Variants in KSR2 observed in about 807,000 individuals in gnomAD.
The protein encoded by KSR2 is kinase suppressor of ras 2.
In KSR2, 25 loss-of-function variants were observed where a neutral mutation model predicts 107.8. That is an observed-to-expected ratio of 0.23 (90% confidence interval 0.17 to 0.32). KSR2 has a LOEUF of 0.32. KSR2 is among the 10% of genes least tolerant of loss of function. KSR2 has a pLI of 1.00. For synonymous variants in KSR2, 480 were observed against 507.0 expected (o/e 0.95, Z 0.71); for missense variants, 887 against 1,268.9 (o/e 0.70, Z 4.57).
intron 4 of KSR2, among the ~76,000 whole-genome samples, chr12:117,731,403 T>C (rs560810718): frequency 8.0e-4 from 107 of 134,324 alleles, no homozygotes; most frequent in African/African-American, 3.2e-3. Flanking sequence ...AGCCGCCCCG[T>C]CCGGGAGGGA....
At position 117,625,432 on chromosome 12, in the gene KSR2, AAGG is replaced by A. The variant is rs60466548; in HGVS notation, c.1171+42039_1171+42041del. Among the ~76,000 whole-genome samples the A allele has an allele frequency of 8.7e-4, 133 of 152,290 alleles. 2 individuals carry two copies. The East Asian group carries it at 0.019, about 22-fold the overall frequency. On this transcript the variant is annotated intron_variant, in intron 5 of 19. Transcript: ENST00000339824. ...CATGAAGGGCTGTTGAATTTTGTCA[AAGG>A]CCTTTTCTACATCTATTGAGATAAT...
At chr12:117,544,769 C>T (rs1234897849) in intron 9 of KSR2, among the ~76,000 whole-genome samples, 2 of 152,120 alleles carry the variant, frequency 1.3e-5, no homozygotes, top group Non-Finnish European at 2.9e-5. Flanking sequence ...TGGATGATGT[C>T]ATTTGCAAAT....
intron 5 of KSR2, among the ~76,000 whole-genome samples, chr12:117,622,860 TAAG>T (rs765474825): frequency 6.6e-6 from 1 of 152,188 alleles, no homozygotes; most frequent in Non-Finnish European, 1.5e-5. Flanking sequence ...GCAAGAAATA[TAAG>T]AAGAAAGCAT....
At chr12:117,710,037 G>A (rs1307348309) in intron 4 of KSR2, among the ~76,000 whole-genome samples, 1 of 152,234 alleles carries the variant, frequency 6.6e-6, no homozygotes, top group Non-Finnish European at 1.5e-5. Flanking sequence ...TCGAGGAGAT[G>A]GATCTGGACA....
At chr12:117,663,843 C>G (rs1214098476) in intron 5 of KSR2, among the ~76,000 whole-genome samples, 1 of 152,120 alleles carries the variant, frequency 6.6e-6, no homozygotes, top group Non-Finnish European at 1.5e-5. Context: ...TACAAGGAGC[C>G]CACGAGCTTG....
At chr12:117,677,916 C>G (rs1885204905) in intron 4 of KSR2, among the ~76,000 whole-genome samples, 1 of 151,812 alleles carries the variant, frequency 6.6e-6, no homozygotes, top group Non-Finnish European at 1.5e-5. Flanking sequence ...GATGAAGAAA[C>G]CGAGTCCAGA....
chr12:117,508,719 G>A (rs1873850801), intron 14 of KSR2, among the ~76,000 whole-genome samples: 1 of 152,016 alleles, frequency 6.6e-6, no homozygotes, highest in African/African-American at 2.4e-5. Context: ...ATGAATGGAT[G>A]AGAGGGTGGG....
chr12:117,858,937 G>T (rs567224376), intron 2 of KSR2, among the ~76,000 whole-genome samples: 13 of 152,130 alleles, frequency 8.5e-5, no homozygotes, highest in Non-Finnish European at 1.8e-4. Flanking sequence ...AGTGATGTCC[G>T]CTGGTTTTAT....
rs199584221 is a variant in KSR2, at chr12:117,623,756, T to G, written c.1172-41397A>C. 4.6e-5 allele frequency among the ~76,000 whole-genome samples: 7 copies of G among 152,206 alleles called. No homozygotes were observed. In the East Asian group the frequency reaches 1.3e-3, roughly 29 times the overall value. On this transcript the variant is annotated intron_variant, in intron 5 of 19. Transcript: ENST00000339824. ...TTGGGTATATACCCAGTAATGGGAT[T>G]GCTGGGTCAAATGGTAATTCTAGTT...
At chr12:117,662,172 T>C (rs1000846996) in intron 5 of KSR2, among the ~76,000 whole-genome samples, 2 of 152,148 alleles carry the variant, frequency 1.3e-5, no homozygotes, top group African/African-American at 4.8e-5. Flanking sequence ...GGATATCTAC[T>C]TTCCCCTTGG....
intron 3 of KSR2, among the ~76,000 whole-genome samples, chr12:117,838,630 A>G (rs1892341011): frequency 6.6e-6 from 1 of 152,092 alleles, no homozygotes. Context: ...GATCAATTAC[A>G]GCCCCCTATA....
chr12:117,888,589 G>A (rs954209858), intron 1 of KSR2, among the ~76,000 whole-genome samples: 2 of 152,246 alleles, frequency 1.3e-5, no homozygotes, highest in East Asian at 3.9e-4. Context: ...CTAGGAACAG[G>A]AAGAAACCAG....
intron 1 of KSR2, among the ~76,000 whole-genome samples, chr12:117,879,878 G>A (rs1055351605): frequency 2.6e-5 from 4 of 152,194 alleles, no homozygotes; most frequent in Non-Finnish European, 5.9e-5. Context: ...ATAGGTCTGG[G>A]CACAGTGCCT....
intron 5 of KSR2, among the ~76,000 whole-genome samples, chr12:117,607,786 C>T (rs768665307): frequency 3.2e-4 from 48 of 152,232 alleles, no homozygotes; most frequent in African/African-American, 9.6e-4. Context: ...GGGGGTTCTG[C>T]GGATCTGAGG....
At chr12:117,599,003 G>C (rs897094783) in intron 5 of KSR2, among the ~76,000 whole-genome samples, 2 of 151,994 alleles carry the variant, frequency 1.3e-5, no homozygotes, top group Admixed American at 6.6e-5. Context: ...ACAAGGGAAG[G>C]CGCCACCAGA....
chr12:117,642,081 A>G (rs767036803), intron 5 of KSR2, among the ~76,000 whole-genome samples: 3 of 151,852 alleles, frequency 2.0e-5, no homozygotes, highest in Non-Finnish European at 2.9e-5. Context: ...AACGACACTC[A>G]CTCGTGGAAG....
chr12:117,687,732 C>T (rs1885635410), intron 4 of KSR2, among the ~76,000 whole-genome samples: 1 of 152,150 alleles, frequency 6.6e-6, no homozygotes, highest in Admixed American at 6.5e-5. Flanking sequence ...GGTACACTGC[C>T]TTCCCCTAAC....
intron 10 of KSR2, among the ~76,000 whole-genome samples, chr12:117,532,101 T>G (rs982643735): frequency 2.0e-5 from 3 of 152,238 alleles, no homozygotes; most frequent in Non-Finnish European, 4.4e-5. Flanking sequence ...CCTTTGTGCT[T>G]TTTCTGTACT....
At chr12:117,619,407 T>C (rs1057433220) in intron 5 of KSR2, among the ~76,000 whole-genome samples, 3 of 152,018 alleles carry the variant, frequency 2.0e-5, no homozygotes, top group Middle Eastern at 3.4e-3. Flanking sequence ...TTCCCCTTCC[T>C]GTGTGCATGT....
Sources: allele counts gnomAD v4.1 joint callset (sites outside exome capture counted in the v4.1 genomes callset), GRCh38; gene constraint gnomAD v4.1.1; transcripts MANE v1.5; gene names NCBI Gene and HGNC (gene_info 2026-07-23, HGNC 2026-07-21).